FBXO28: variants seen among roughly 807,000 people sequenced by gnomAD.
FBXO28 encodes the protein F-box protein 28.
A neutral mutation model predicts 38.1 loss-of-function variants in FBXO28; 8 were observed. That is an observed-to-expected ratio of 0.21 (90% CI 0.12 to 0.38). FBXO28 has a LOEUF of 0.38. Among genes scored for constraint, FBXO28 ranks in the 10% least tolerant of loss-of-function variants. The probability of loss-of-function intolerance (pLI) is 1.00; values close to 1 mark genes in which losing one functional copy is unlikely to be tolerated. For synonymous variants in FBXO28, 168 were observed against 173.8 expected, an observed-to-expected ratio of 0.97 and a Z score of 0.26; for missense variants, 345 against 460.6, an observed-to-expected ratio of 0.75 and a Z score of 2.30.
intron 4 of FBXO28, among the ~76,000 whole-genome samples, chr1:224,155,368 T>C (rs1267839772): frequency 2.6e-5 from 4 of 152,060 alleles, no homozygotes; most frequent in Admixed American, 6.6e-5. Flanking sequence ...GGTTTCACCA[T>C]GTTGTTCAGG....
intron 1 of FBXO28, among the ~76,000 whole-genome samples, chr1:224,119,909 C>T (rs1380601759): frequency 6.6e-6 from 1 of 152,172 alleles, no homozygotes; most frequent in African/African-American, 2.4e-5. Context: ...GTCTCCCCAG[C>T]TTTTTTATTT....
Position 224,136,597 on chromosome 1 carries a change from G to A in FBXO28, c.516+2385G>A, listed in dbSNP as rs544606492. ...AAAAAAACTAGCTGGGCATGGTGGC[G>A]GGCGCCTATAGTCCCAGCTACTCGG... On this transcript the variant is annotated intron_variant, in intron 3 of 4. Coordinates refer to ENST00000366862, the MANE Select transcript of FBXO28 (RefSeq NM_015176.4). Among the ~76,000 whole-genome samples the A allele has an allele frequency of 3.6e-4, 54 of 148,740 alleles. 1 individual carries two copies. Among genetic ancestry groups the A allele is most frequent in the African/African-American group, 1.3e-3 (51 of 38,800 alleles).
rs141896504 is a variant in FBXO28, at chr1:224,131,409, C to T, written c.377+828C>T. Among the ~76,000 whole-genome samples the T allele has an allele frequency of 1.4e-4, 21 of 152,166 alleles. 1 individual carries two copies. In the East Asian group the frequency reaches 3.7e-3, roughly 27 times the overall value. ...AGCAGTATTGGAAGACTCACACTTCCCACTTTCAAAACTTAGTACAGAGCT... is the reference window on the plus strand; with the variant it reads ...AGCAGTATTGGAAGACTCACACTTCTCACTTTCAAAACTTAGTACAGAGCT... On this transcript the variant is annotated intron_variant, in intron 2 of 4. Transcript: ENST00000366862.
intron 3 of FBXO28, among the ~76,000 whole-genome samples, chr1:224,135,020 GTTTTCTTTGA>G (rs147182755): frequency 0.019 from 2,885 of 152,182 alleles, 100 homozygotes; most frequent in African/African-American, 0.065. Flanking sequence ...TCCATTTTTA[GTTTTCTTTGA>G]CATTTATTTT....
chr1:224,153,998 T>A (rs777919886), intron 4 of FBXO28, among the ~76,000 whole-genome samples: 2 of 152,004 alleles, frequency 1.3e-5, no homozygotes, highest in East Asian at 3.9e-4. Flanking sequence ...TTTGGGAGAC[T>A]GAGGCGGGAG....
rs933078170 is a variant in FBXO28 at position 224,137,625 on chromosome 1, G to T, written c.516+3413G>T. On this transcript the variant is annotated intron_variant, in intron 3 of 4. Coordinates refer to ENST00000366862, the MANE Select transcript of FBXO28 (RefSeq NM_015176.4). ...AAAATTTTGAAAGCTATAAAGTAGA[G>T]AAACAAATGGTAACTGATTTAGCAG... Among the ~76,000 whole-genome samples, 5 of 151,874 alleles carry T rather than the reference G, an allele frequency of 3.3e-5. 1 individual carries two copies. The highest frequency in any genetic ancestry group is 1.2e-4 in the African/African-American group (5 of 41,166).
intron 3 of FBXO28, among the ~76,000 whole-genome samples, chr1:224,135,463 C>T (rs895688319): frequency 6.6e-6 from 1 of 151,622 alleles, no homozygotes; most frequent in Non-Finnish European, 1.5e-5. Context: ...ATTTATGATC[C>T]AGGCCGGCTG....
rs1312712288 is a variant in FBXO28, at chr1:224,158,552, C to T, written c.*806C>T. On this transcript the variant is annotated 3_prime_UTR_variant, in exon 5 of 5. Transcript: ENST00000366862. ...CATCTTCCACCGCAACAGCTTGCCT[C>T]TAGAGGGGGAATTGTTCATCCATTT... 6.6e-6 allele frequency: 1 copy of T among 152,550 alleles called. No individual in the cohort carries two copies. The allele number at this position is 152,550 out of a possible 1,614,324, so 9.4% of individuals were successfully genotyped here.
At chr1:224,130,203 A>T (rs534069393) in intron 1 of FBXO28, among the ~76,000 whole-genome samples, 2 of 151,220 alleles carry the variant, frequency 1.3e-5, no homozygotes, top group South Asian at 2.1e-4. Flanking sequence ...TTAGCCAGGC[A>T]TGATGGCACA....
chr1:224,120,924 T>C (rs1380262792), intron 1 of FBXO28, among the ~76,000 whole-genome samples: 1 of 151,650 alleles, frequency 6.6e-6, no homozygotes, highest in Admixed American at 6.6e-5. Flanking sequence ...ATAAATGTTT[T>C]CTGTATAAAC....
intron 3 of FBXO28, among the ~76,000 whole-genome samples, chr1:224,151,103 C>G (rs1657631601): frequency 6.6e-6 from 1 of 152,108 alleles, no homozygotes; most frequent in African/African-American, 2.4e-5. Flanking sequence ...AAGGGGTTAT[C>G]TTCTTCTAAA....
Position 224,157,440 on chromosome 1 carries a change from G to A in FBXO28, c.801G>A (p.Gln267=). The A allele has an allele frequency of 6.2e-7, 1 of 1,614,212 alleles. No individual in the cohort carries two copies. Among genetic ancestry groups the A allele is most frequent in the East Asian group, 2.2e-5 (1 of 44,888 alleles). ...AAGAGGTTACCAAACTCCAGCAGCA[G>A]GTTAAAACAAATGGTGCTGGCGTGA... The part of the protein sequence containing the change: ...SRQEVTKLQQ[Q]VKTNGAGVTV... Residue 267 remains glutamine, a synonymous_variant, in exon 5 of 5, where the codon CAG becomes CAA. Transcript: ENST00000366862.
intron 3 of FBXO28, among the ~76,000 whole-genome samples, chr1:224,141,001 G>A (rs1657332997): frequency 7.1e-6 from 1 of 141,564 alleles, no homozygotes; most frequent in African/African-American, 2.5e-5. Context: ...TGGCCAACAT[G>A]GTGAAACCCT....
At chr1:224,115,113 G>A (rs1244197624) in intron 1 of FBXO28, among the ~76,000 whole-genome samples, 2 of 151,980 alleles carry the variant, frequency 1.3e-5, no homozygotes, top group Non-Finnish European at 2.9e-5. Flanking sequence ...TTTAACTAGT[G>A]ATTTACGCCC....
rs763710165 is a variant in FBXO28, at chr1:224,157,466, C to G, written c.827C>G (p.Thr276Ser). The change falls in exon 5 of 5, where the codon ACT becomes AGT. Residue 276 changes from threonine to serine, a missense_variant. By Grantham distance (58) the Thr-to-Ser change is moderately conservative. Coordinates refer to ENST00000366862, the MANE Select transcript of FBXO28 (RefSeq NM_015176.4). Reference protein sequence around the residue: ...QQVKTNGAGVTVLRREISELR... With the variant: ...QQVKTNGAGVSVLRREISELR... ...GTTAAAACAAATGGTGCTGGCGTGA[C>G]TGTTCTCAGGCGTGAAATTTCTGAG... 3 of 1,614,278 alleles carry G rather than the reference C, an allele frequency of 1.9e-6. No individual in the cohort carries two copies. Among genetic ancestry groups the G allele is most frequent in the East Asian group, 2.2e-5 (1 of 44,888 alleles).
At chr1:224,133,330 A>G (rs2102618446) in intron 2 of FBXO28, among the ~76,000 whole-genome samples, 1 of 152,298 alleles carries the variant, frequency 6.6e-6, no homozygotes, top group Non-Finnish European at 1.5e-5. Flanking sequence ...ACACCACTAA[A>G]TTTAGTCCTC....
intron 2 of FBXO28, among the ~76,000 whole-genome samples, chr1:224,133,343 T>G (rs1657097893): frequency 6.6e-6 from 1 of 152,156 alleles, no homozygotes; most frequent in African/African-American, 2.4e-5. Context: ...TAGTCCTCTT[T>G]AAGATAATTT....
chr1:224,117,906 G>A (rs1235137358), intron 1 of FBXO28, among the ~76,000 whole-genome samples: 3 of 152,152 alleles, frequency 2.0e-5, no homozygotes, highest in Admixed American at 2.0e-4. Context: ...CTACTTGGGA[G>A]GCTGAGGCTT....
intron 1 of FBXO28, among the ~76,000 whole-genome samples, chr1:224,117,286 G>C (rs746506170): frequency 6.8e-6 from 1 of 145,998 alleles, no homozygotes; most frequent in Non-Finnish European, 1.5e-5. Context: ...TCCTGTCTCA[G>C]CTTCCTGAGT....
Sources: allele counts gnomAD v4.1 joint callset (sites outside exome capture counted in the v4.1 genomes callset), GRCh38; gene constraint gnomAD v4.1.1; transcripts MANE v1.5; gene names NCBI Gene and HGNC (gene_info 2026-07-23, HGNC 2026-07-21).